CRYL1: variants seen among roughly 807,000 people sequenced by gnomAD.
The protein encoded by CRYL1 is crystallin lambda 1.
A neutral mutation model predicts 36.6 loss-of-function variants in CRYL1; 29 were observed. That is an observed-to-expected ratio of 0.79 (90% CI 0.59 to 1.08). CRYL1 has a LOEUF of 1.08. Ranked by LOEUF, CRYL1 falls within the 50% of genes least tolerant of loss-of-function variation. The pLI is 0.00. For missense variants in CRYL1, 411 were observed against 407.9 expected, an observed-to-expected ratio of 1.01 and a Z score of -0.06; for synonymous variants, 152 against 151.5, an observed-to-expected ratio of 1.00 and a Z score of -0.02.
At chr13:20,505,033 G>A (rs542009660) in intron 2 of CRYL1, among the ~76,000 whole-genome samples, 1 of 152,178 alleles carries the variant, frequency 6.6e-6, no homozygotes, top group African/African-American at 2.4e-5. Flanking sequence ...TCAACCACGT[G>A]ACATTTTCTA....
At chr13:20,469,828 G>C (rs528757101) in intron 3 of CRYL1, among the ~76,000 whole-genome samples, 9 of 152,334 alleles carry the variant, frequency 5.9e-5, no homozygotes, top group African/African-American at 1.9e-4. Context: ...GGGAAGGCTT[G>C]CTGGCAAAGC....
At chr13:20,455,191 C>T (rs1593455415) in intron 3 of CRYL1, among the ~76,000 whole-genome samples, 1 of 152,186 alleles carries the variant, frequency 6.6e-6, no homozygotes, top group African/African-American at 2.4e-5. Flanking sequence ...CAATAGCACA[C>T]ATACACAAGA....
intron 2 of CRYL1, among the ~76,000 whole-genome samples, chr13:20,501,083 G>C (rs1163181371): frequency 6.6e-6 from 1 of 152,056 alleles, no homozygotes; most frequent in Non-Finnish European, 1.5e-5. Context: ...ATTTTAGGTG[G>C]TCAGGGAGAT....
At chr13:20,507,455 G>A (rs933908655) in intron 2 of CRYL1, among the ~76,000 whole-genome samples, 5 of 152,142 alleles carry the variant, frequency 3.3e-5, no homozygotes, top group Non-Finnish European at 1.5e-5. Context: ...TCAACTCCTT[G>A]TCTGGAGTCC....
intron 3 of CRYL1, among the ~76,000 whole-genome samples, chr13:20,485,540 A>T (rs983018628): frequency 5.9e-5 from 9 of 152,116 alleles, no homozygotes; most frequent in African/African-American, 2.2e-4. Flanking sequence ...GTGGTGGCAC[A>T]TGCCTGTAAT....
In CRYL1 at chr13:20,498,091, CACA is replaced by C. The variant is rs781232958; in HGVS notation, c.150-8598_150-8596del. Among the ~76,000 whole-genome samples the C allele has an allele frequency of 1.1e-4, 17 of 150,954 alleles. No homozygotes were observed. The East Asian group carries it at 1.2e-3, about 10-fold the overall frequency. On this transcript the variant is annotated intron_variant, in intron 2 of 7. Transcript: ENST00000298248. ...ACACTACACACACACCACACATACA[CACA>C]ACACCATACACACTACACACACCCC... is the stretch of plus-strand genomic sequence containing the variant.
intron 5 of CRYL1, among the ~76,000 whole-genome samples, chr13:20,418,077 T>C (rs1325641971): frequency 4.6e-5 from 7 of 152,186 alleles, no homozygotes; most frequent in African/African-American, 9.7e-5. Context: ...GTGGAATTTC[T>C]CCTTCCTCAG....
chr13:20,433,599 G>A (rs535302243), intron 4 of CRYL1, among the ~76,000 whole-genome samples: 96 of 152,228 alleles, frequency 6.3e-4, no homozygotes, highest in South Asian at 2.5e-3. Flanking sequence ...TCGATGCCTC[G>A]GTTAAACACC....
intron 3 of CRYL1, among the ~76,000 whole-genome samples, chr13:20,451,262 A>C (rs756180581): frequency 6.6e-6 from 1 of 152,116 alleles, no homozygotes; most frequent in African/African-American, 2.4e-5. Flanking sequence ...CCTCAAAAGC[A>C]ATTGCAACAG....
At chr13:20,468,549 G>A (rs1209638060) in intron 3 of CRYL1, among the ~76,000 whole-genome samples, 1 of 152,214 alleles carries the variant, frequency 6.6e-6, no homozygotes, top group Non-Finnish European at 1.5e-5. Context: ...GAAGAAGCCA[G>A]CTTCGAAGCC....
At chr13:20,493,415 T>G (rs1304415153) in intron 2 of CRYL1, among the ~76,000 whole-genome samples, 1 of 152,098 alleles carries the variant, frequency 6.6e-6, no homozygotes, top group African/African-American at 2.4e-5. Flanking sequence ...ATCCCAGCAC[T>G]TTGGGAGGCC....
intron 3 of CRYL1, among the ~76,000 whole-genome samples, chr13:20,461,548 C>T (rs567553858): frequency 1.3e-5 from 2 of 152,254 alleles, no homozygotes; most frequent in African/African-American, 4.8e-5. Flanking sequence ...AGGCAGGAGG[C>T]TCCAGAGCTG....
intron 3 of CRYL1, among the ~76,000 whole-genome samples, chr13:20,480,685 C>T (rs1413096565): frequency 1.3e-5 from 2 of 152,226 alleles, no homozygotes; most frequent in Admixed American, 6.5e-5. Context: ...ACTGCAGGGC[C>T]TGCCAGCGCA....
At chr13:20,510,480 C>A (rs1024650589) in intron 2 of CRYL1, among the ~76,000 whole-genome samples, 1 of 151,760 alleles carries the variant, frequency 6.6e-6, no homozygotes, top group African/African-American at 2.4e-5. Context: ...TGGTTGCCAG[C>A]GGTTGGGGGG....
intron 5 of CRYL1, among the ~76,000 whole-genome samples, chr13:20,423,378 T>C (rs1482864168): frequency 6.6e-6 from 1 of 152,204 alleles, no homozygotes; most frequent in African/African-American, 2.4e-5. Context: ...CTTTTCACCA[T>C]TGAGTATATT....
At chr13:20,508,373 G>A (rs1224130134) in intron 2 of CRYL1, among the ~76,000 whole-genome samples, 1 of 152,202 alleles carries the variant, frequency 6.6e-6, no homozygotes, top group Non-Finnish European at 1.5e-5. Flanking sequence ...GGGAATAAAA[G>A]ATGAATTTAA....
chr13:20,436,041 C>T lies in CRYL1; in HGVS notation c.438+3552G>A, dbSNP rs147463975. ...CACGGGCGCTTTGCAGACAGCAAGC[C>T]CATACATCCAATATTTACCACCAAT... On this transcript the variant is annotated intron_variant, in intron 4 of 7. Transcript: ENST00000298248. Among the ~76,000 whole-genome samples, 134 of 152,332 alleles carry T rather than the reference C, an allele frequency of 8.8e-4. 1 individual carries two copies. The highest frequency in any genetic ancestry group is 3.1e-3 in the African/African-American group (127 of 41,580).
chr13:20,520,455 G>A (rs749234000), intron 1 of CRYL1, among the ~76,000 whole-genome samples: 7 of 152,164 alleles, frequency 4.6e-5, no homozygotes, highest in Non-Finnish European at 1.0e-4. Context: ...TCAGGGAAAG[G>A]CAGCCCCCTA....
chr13:20,430,097 G>A (rs1330106775), intron 5 of CRYL1: 1 of 594,956 alleles, frequency 1.7e-6, no homozygotes, highest in African/African-American at 2.0e-5. Flanking sequence ...CGGGGTGCCT[G>A]GTAGTGCCAT....
Sources: gnomAD v4.1 joint callset for allele counts (sites outside exome capture counted in the v4.1 genomes callset) on GRCh38, gnomAD v4.1.1 for gene constraint, MANE v1.5 for transcripts, NCBI Gene and HGNC (gene_info 2026-07-23, HGNC 2026-07-21) for gene names.